THADA: variants seen among roughly 807,000 people sequenced by gnomAD.
The protein encoded by THADA is THADA armadillo repeat containing.
THADA carries 213 observed loss-of-function variants against 219.8 expected under a neutral mutation model. The observed-to-expected ratio is 0.97, with a 90% CI of 0.87 to 1.09. The LOEUF (loss-of-function observed/expected upper bound fraction) is 1.09, where lower values mean the gene tolerates loss of function less well. THADA is among the 50% of genes least tolerant of loss of function. The probability of loss-of-function intolerance (pLI) is 0.00; values close to 1 mark genes in which losing one functional copy is unlikely to be tolerated. For synonymous variants in THADA, 1,018 were observed against 828.9 expected, an observed-to-expected ratio of 1.23 and a Z score of -3.92; for missense variants, 2,956 against 2,311.3, an observed-to-expected ratio of 1.28 and a Z score of -5.72.
chr2:43,245,172 C>CTTCTTTTTTTTTTTTTTTT (rs796699945), intron 36 of THADA, among the ~76,000 whole-genome samples: 2 of 103,144 alleles, frequency 1.9e-5, no homozygotes, highest in African/African-American at 1.0e-4. Flanking sequence ...CTTTCTTCTT[C>CTTCTTTTTTTTTTTTTTTT]TTTTTTTTTT....
chr2:43,501,306 C>CAAAAAAAAAAAAA lies in THADA; in HGVS notation c.3622-2352_3622-2351insTTTTTTTTTTTTT, dbSNP rs1558864377. Among the ~76,000 whole-genome samples, 10 of 12,278 alleles carry CAAAAAAAAAAAAA rather than the reference C, an allele frequency of 8.1e-4. 1 individual carries two copies. The highest frequency in any genetic ancestry group is 2.7e-3 in the African/African-American group (10 of 3,668). 8.1% of individuals were successfully genotyped at this position (12,278 alleles called of 152,430 possible). A position where few individuals can be genotyped will look rare whatever the true frequency, so the allele number is the denominator to read the frequency against. ...GGGCAACAAAAGCGAAACTCCAACT[C>CAAAAAAAAAAAAA]CAAAAAAAAAAAAAAAAAAAAAAAA... is the stretch of plus-strand genomic sequence containing the variant. On this transcript the variant is annotated intron_variant, in intron 24 of 37. Transcript: ENST00000405975.
At chr2:43,399,954 G>A (rs1034563184) in intron 28 of THADA, among the ~76,000 whole-genome samples, 1 of 152,128 alleles carries the variant, frequency 6.6e-6, no homozygotes, top group African/African-American at 2.4e-5. Flanking sequence ...ACTTAGTAAG[G>A]CAGTCATTTG....
chr2:43,473,772 C>T (rs202232697), intron 26 of THADA, among the ~76,000 whole-genome samples: 1 of 152,062 alleles, frequency 6.6e-6, no homozygotes, highest in Non-Finnish European at 1.5e-5. Context: ...CCACACCCAG[C>T]TAATTTTTGT....
chr2:43,291,041 C>T (rs570755954), intron 34 of THADA, among the ~76,000 whole-genome samples: 4 of 151,970 alleles, frequency 2.6e-5, no homozygotes, highest in South Asian at 4.2e-4. Context: ...AATTGACATG[C>T]TTACTCCTCT....
rs376780177 is a variant in THADA at position 43,594,111 on chromosome 2, T to C, written c.-24-1695A>G. On this transcript the variant is annotated intron_variant, in intron 1 of 37. Transcript: ENST00000405975. Reference sequence around the variant, plus strand: ...AGAGAAGATGACTGAATATTTTCTCTTGGACTCCTGAAACAGCTCCCTAAC... The same window carrying C: ...AGAGAAGATGACTGAATATTTTCTCCTGGACTCCTGAAACAGCTCCCTAAC... 3.2e-4 allele frequency among the ~76,000 whole-genome samples: 48 copies of C among 152,272 alleles called. 1 individual carries two copies. The South Asian group carries it at 8.9e-3, about 28-fold the overall frequency.
chr2:43,397,547 G>A (rs1398392670), intron 29 of THADA, among the ~76,000 whole-genome samples: 1 of 152,012 alleles, frequency 6.6e-6, no homozygotes, highest in South Asian at 2.1e-4. Context: ...TGTGCCACAG[G>A]GCAAACTCTC....
intron 36 of THADA, among the ~76,000 whole-genome samples, chr2:43,257,209 G>A (rs985920409): frequency 6.6e-6 from 1 of 152,206 alleles, no homozygotes; most frequent in Non-Finnish European, 1.5e-5. Flanking sequence ...CTAACACAGG[G>A]GGACGTCAGA....
intron 21 of THADA, among the ~76,000 whole-genome samples, chr2:43,530,072 T>C (rs1233060268): frequency 6.6e-6 from 1 of 152,106 alleles, no homozygotes; most frequent in Non-Finnish European, 1.5e-5. Context: ...TATAAAGATA[T>C]AATAAGTGAT....
At chr2:43,318,099 G>A (rs951701218) in intron 31 of THADA, among the ~76,000 whole-genome samples, 3 of 152,006 alleles carry the variant, frequency 2.0e-5, no homozygotes, top group African/African-American at 7.2e-5. Flanking sequence ...GAAAGCAATG[G>A]CATGATCATA....
At chr2:43,451,353 T>C (rs1396214349) in intron 26 of THADA, among the ~76,000 whole-genome samples, 5 of 152,198 alleles carry the variant, frequency 3.3e-5, no homozygotes, top group African/African-American at 1.2e-4. Context: ...TTTCCTATTA[T>C]CCCTATCTTT....
intron 21 of THADA, among the ~76,000 whole-genome samples, chr2:43,534,075 T>C (rs1189318467): frequency 1.3e-5 from 2 of 152,162 alleles, no homozygotes; most frequent in Non-Finnish European, 2.9e-5. Flanking sequence ...AGTTCAAATA[T>C]GTATTTTTTA....
chr2:43,484,857 T>C (rs1421474167), intron 26 of THADA, among the ~76,000 whole-genome samples: 1 of 148,370 alleles, frequency 6.7e-6, no homozygotes, highest in Non-Finnish European at 1.5e-5. Context: ...CTTCCACCTA[T>C]AAAATTAAAG....
At chr2:43,231,367 A>G (rs756587488) in intron 37 of THADA, 24 bp from the exon 38 acceptor site, 4 of 1,492,588 alleles carry the variant, frequency 2.7e-6, no homozygotes, top group Middle Eastern at 1.8e-4. Context: ...AAAAGCCGAA[A>G]GTCAGTCTTA....
In THADA at chr2:43,574,426, C is replaced by A; in HGVS notation, c.1639G>T (p.Asp547Tyr). 6.2e-7 allele frequency: 1 copy of A among 1,611,380 alleles called. No individual in the cohort carries two copies. The highest frequency in any genetic ancestry group is 2.2e-5 in the East Asian group (1 of 44,872). Residue 547 changes from aspartate to tyrosine, a missense_variant, in exon 11 of 38, where the codon GAT (aspartate) becomes TAT (tyrosine). Asp to Tyr is a radical substitution (Grantham distance 160, BLOSUM62 -3). Transcript: ENST00000405975. The part of the protein sequence containing the change: ...GNLDQKSYVI[D>Y]YYLPKLLSYS... ...CTTAATAATTTTGGCAAGTAATAAT[C>A]AATCACGTAAGATTTTTGATCCAAG... is the stretch of plus-strand genomic sequence containing the variant.
chr2:43,410,611 C>T (rs913009577), intron 28 of THADA, among the ~76,000 whole-genome samples: 2 of 152,054 alleles, frequency 1.3e-5, no homozygotes, highest in African/African-American at 4.8e-5. Flanking sequence ...AATAATTATA[C>T]TGAGTGAAAA....
intron 34 of THADA, among the ~76,000 whole-genome samples, chr2:43,289,697 G>A (rs925991179): frequency 6.6e-6 from 1 of 152,162 alleles, no homozygotes; most frequent in Non-Finnish European, 1.5e-5. Flanking sequence ...TGTTGCCCAG[G>A]CTGGAGTACA....
chr2:43,276,139 A>G (rs966754756), intron 36 of THADA, among the ~76,000 whole-genome samples: 1 of 152,190 alleles, frequency 6.6e-6, no homozygotes, highest in Non-Finnish European at 1.5e-5. Context: ...TCTCCTAGCT[A>G]CAAATTTCAA....
At chr2:43,591,054 C>G in intron 3 of THADA, 100 bp from the exon 4 acceptor site, 1 of 1,134,328 alleles carries the variant, frequency 8.8e-7, no homozygotes, top group Non-Finnish European at 1.2e-6. Flanking sequence ...GGTACAGTGG[C>G]TCACCCCTGT....
chr2:43,452,885 T>C (rs979943266), intron 26 of THADA, among the ~76,000 whole-genome samples: 1 of 152,186 alleles, frequency 6.6e-6, no homozygotes, highest in Non-Finnish European at 1.5e-5. Flanking sequence ...AAGAGACTCT[T>C]CCTAATATAC....
Sources: allele counts gnomAD v4.1 joint callset (sites outside exome capture counted in the v4.1 genomes callset), GRCh38; gene constraint gnomAD v4.1.1; transcripts MANE v1.5; gene names NCBI Gene and HGNC (gene_info 2026-07-23, HGNC 2026-07-21).